Variants in PIDD1 observed in about 807,000 individuals in gnomAD.
The protein encoded by PIDD1 is p53-induced death domain protein 1.
In PIDD1, 72 loss-of-function variants were observed where a neutral mutation model predicts 80.0. The ratio of observed to expected loss-of-function variants is 0.90; its 90% CI spans 0.74 to 1.09. The LOEUF is 1.09. Among genes scored for constraint, PIDD1 ranks in the 50% least tolerant of loss-of-function variants. PIDD1 has a pLI of 0.00. For missense variants in PIDD1, 1,329 were observed against 1,228.3 expected, an observed-to-expected ratio of 1.08 and a Z score of -1.23; for synonymous variants, 655 against 543.5, an observed-to-expected ratio of 1.21 and a Z score of -2.85.
rs988814728 is a variant in PIDD1, at chr11:804,449, C to T, written c.-61G>A. 6.6e-7 allele frequency: 1 copy of T among 1,516,190 alleles called. No individual in the cohort carries two copies. Among genetic ancestry groups the T allele is most frequent in the Non-Finnish European group, 8.8e-7 (1 of 1,136,556 alleles). 93.9% of individuals were successfully genotyped at this position (1,516,190 alleles called of 1,614,324 possible). A position where few individuals can be genotyped will look rare whatever the true frequency, so the allele number is the denominator to read the frequency against. ...CAGCACGCAGGCAGGCCTGTCCAGG[C>T]AGCGCCCGGGGAAGCTGCAGAGGCA... On this transcript the variant is annotated 5_prime_UTR_variant, in exon 2 of 16. Transcript: ENST00000347755.
chr11:802,724 TC>T lies in PIDD1; in HGVS notation c.876del (p.Asn293ThrfsTer27), dbSNP rs780661598. ...TCTGGCGAGGCCTCACCCAGGGGGT[TC>T]CCCTGCAGGCGCACAAAGGGGGCGT... ...LLDAPFVRLQ[G>X]NPLGEASPDA... On this transcript the variant is annotated frameshift_variant, in exon 4 of 16. Transcript: ENST00000347755. LOFTEE classifies it high-confidence loss of function. 1 of 1,611,818 alleles carries T rather than the reference TC, an allele frequency of 6.2e-7. No homozygotes were observed. The highest frequency in any genetic ancestry group is 8.5e-7 in the Non-Finnish European group (1 of 1,179,460).
In PIDD1 at chr11:800,226, C is replaced by T. The variant is rs141820504; in HGVS notation, c.2179G>A (p.Ala727Thr). 205 of 1,609,938 alleles carry T rather than the reference C, an allele frequency of 1.3e-4. No individual in the cohort carries two copies. The highest frequency in any genetic ancestry group is 2.5e-4 in the Admixed American group (15 of 59,900). Residue 727 changes from alanine (A) to threonine (T), a missense_variant, in exon 14 of 16, where the codon GCG becomes ACG. Transcript: ENST00000347755. The stretch of plus-strand genomic sequence containing the variant: ...TCCTCGGGCACCCGCACAGGCACCG[C>T]GCCACGGTAGAAGGACACCTGAAGG... ...VRGQVSFYRG[A>T]VPVRVPEEAE...
chr11:807,189 CAAAA>C (rs1338815823), upstream of PIDD1, among the ~76,000 whole-genome samples: 2 of 94,174 alleles, frequency 2.1e-5, no homozygotes, highest in Non-Finnish European at 2.2e-5. Context: ...GACTCCCTCT[CAAAA>C]AAAAAAAAAA....
At position 801,570 on chromosome 11, in the gene PIDD1, G is replaced by T; in HGVS notation, c.1357C>A (p.Arg453Ser). The part of the protein sequence containing the change: ...PHFSWFLVVS[R>S]PVSNACLVPP... ...ACCAGGCAGGCATTGGACACAGGGC[G>T]GGAAACCACAAGGAACCAGGAGAAG... The change falls in exon 8 of 16, where the codon CGC becomes AGC. Residue 453 changes from arginine (R) to serine (S), a missense_variant. Arg to Ser is a moderately radical substitution (Grantham distance 110). Coordinates refer to ENST00000347755, the MANE Select transcript of PIDD1 (RefSeq NM_145886.4). 1 of 1,569,218 alleles carries T rather than the reference G, an allele frequency of 6.4e-7. No homozygotes were observed. The highest frequency in any genetic ancestry group is 8.6e-7 in the Non-Finnish European group (1 of 1,157,204).
In PIDD1 at chr11:802,091, C is replaced by A; in HGVS notation, c.1177-1G>T. On this transcript the variant is annotated splice_acceptor_variant, in intron 6 of 15. Transcript: ENST00000347755. LOFTEE classifies it high-confidence loss of function. ...TGAAGAGCAGCCACAGCCCCACATC[C>A]TGCCAGACAAGGATGGTGTGAGCAC... 2 of 1,576,556 alleles carry A rather than the reference C, an allele frequency of 1.3e-6. No individual in the cohort carries two copies. Among genetic ancestry groups the A allele is most frequent in the Admixed American group, 1.9e-5 (1 of 53,588 alleles).
chr11:801,943 G>A (rs137974013), intron 7 of PIDD1, 22 bp downstream of exon 7: 103 of 1,596,056 alleles, frequency 6.5e-5, no homozygotes, highest in East Asian at 6.4e-4. Flanking sequence ...ACTCGCCACC[G>A]GCAGGCCTGG....
chr11:804,992 C>G (rs951765122), intron 1 of PIDD1, 187 bp downstream of exon 1: 3 of 158,712 alleles, frequency 1.9e-5, no homozygotes, highest in Non-Finnish European at 4.1e-5. Context: ...AAACCTCTCC[C>G]GGCCTTTCCA....
Position 800,854 on chromosome 11 carries a change from C to G in PIDD1, c.1825G>C (p.Glu609Gln). Reference protein sequence around the residue: ...CVGGLARKAWERLRLHRVNLI... With the variant: ...CVGGLARKAWQRLRLHRVNLI... ...TTCACACGGTGCAGCCGCAGCCGCT[C>G]CCAGGCCTTCCGAGCCAGGCCTCCC... The change falls in exon 11 of 16, where the codon GAG (glutamate) becomes CAG (glutamine). Residue 609 changes from glutamate to glutamine, a missense_variant. By Grantham distance (29) the Glu-to-Gln change is conservative (BLOSUM62 2). Transcript: ENST00000347755. 1 of 1,576,626 alleles carries G rather than the reference C, an allele frequency of 6.3e-7. No individual in the cohort carries two copies. Among genetic ancestry groups the G allele is most frequent in the Non-Finnish European group, 8.6e-7 (1 of 1,161,604 alleles).
chr11:803,034 C>T (rs1430811614), intron 3 of PIDD1, 140 bp downstream of exon 3: 1 of 963,950 alleles, frequency 1.0e-6, no homozygotes, highest in Non-Finnish European at 1.5e-6. Flanking sequence ...CTGAGGGAGT[C>T]TCAAAGGCCA....
intron 4 of PIDD1, 33 bp from the exon 5 acceptor site, chr11:802,630 T>C (rs776891099): frequency 1.2e-6 from 2 of 1,608,136 alleles, no homozygotes; most frequent in Non-Finnish European, 1.7e-6. Flanking sequence ...CTCAGGACAG[T>C]GAGGAGACTC....
Position 805,205 on chromosome 11 carries a change from T to C in PIDD1, c.-102A>G, listed in dbSNP as rs1386127031. ...TGCGCTGCAGGCGGCGCGCAAAGGG[T>C]GGCTGCTCAGCGGGCGCTCGGCGCC... is the stretch of plus-strand genomic sequence containing the variant. On this transcript the variant is annotated 5_prime_UTR_variant, in exon 1 of 16. Transcript: ENST00000347755. 2 of 982,938 alleles carry C rather than the reference T, an allele frequency of 2.0e-6. No individual in the cohort carries two copies. The highest frequency in any genetic ancestry group is 2.4e-6 in the Non-Finnish European group (2 of 827,904). The allele number at this position is 982,938 out of a possible 1,614,324, so 60.9% of individuals were successfully genotyped here. A position where few individuals can be genotyped will look rare whatever the true frequency, so the allele number is the denominator to read the frequency against.
chr11:809,020 G>C (rs1164960352), upstream of PIDD1, among the ~76,000 whole-genome samples: 5 of 152,218 alleles, frequency 3.3e-5, no homozygotes, highest in African/African-American at 7.2e-5. Context: ...CTCAGCTCAA[G>C]CTTTCTCAGG....
rs774230666 is a variant in PIDD1 at position 803,357 on chromosome 11, G to A, written c.526C>T (p.Leu176Phe). The A allele has an allele frequency of 1.2e-6, 2 of 1,613,932 alleles. No homozygotes were observed. Among genetic ancestry groups the A allele is most frequent in the South Asian group, 1.1e-5 (1 of 91,090 alleles). Residue 176 changes from leucine to phenylalanine, a missense_variant, in exon 3 of 16, where the codon CTC becomes TTC. Physicochemically the swap from Leu to Phe is conservative, Grantham distance 22. Coordinates refer to ENST00000347755, the MANE Select transcript of PIDD1 (RefSeq NM_145886.4). ...TGCAGGCGGTTGTGTGTCACTGTGAGGAAGGTGAGGGCGGGGAGGGCCCCC... is the reference window on the plus strand; with the variant it reads ...TGCAGGCGGTTGTGTGTCACTGTGAAGAAGGTGAGGGCGGGGAGGGCCCCC... Reference protein sequence around the residue: ...ALGALPALTFLTVTHNRLQTL... With the variant: ...ALGALPALTFFTVTHNRLQTL...
chr11:799,930 G>T lies in PIDD1; in HGVS notation c.2359C>A (p.Leu787Met), dbSNP rs745884349. ...LNLGDAETGF[L>M]TQSNLLSVAG... ...ACACTCAGCAGGTTGCTCTGCGTCAGAAAGCCGGTCTCGGCATCTCCCAGA... is the reference window on the plus strand; with the variant it reads ...ACACTCAGCAGGTTGCTCTGCGTCATAAAGCCGGTCTCGGCATCTCCCAGA... The change falls in exon 15 of 16, where the codon CTG (leucine) becomes ATG (methionine). Residue 787 changes from leucine (L) to methionine (M), a missense_variant. By Grantham distance (15) the Leu-to-Met change is conservative. Coordinates refer to ENST00000347755, the MANE Select transcript of PIDD1 (RefSeq NM_145886.4). 6.2e-7 allele frequency: 1 copy of T among 1,612,796 alleles called. No individual in the cohort carries two copies. Among genetic ancestry groups the T allele is most frequent in the Non-Finnish European group, 8.5e-7 (1 of 1,179,960 alleles).
rs771938257 is a variant in PIDD1 at position 804,096 on chromosome 11, T to C, written c.293A>G (p.Lys98Arg). Reference sequence around the variant, plus strand: ...GGCCCAGAACAGGTGGAACTCACCTTTGAGGACCAGGGAGCGGAGGCAGGA... The same window carrying C: ...GGCCCAGAACAGGTGGAACTCACCTCTGAGGACCAGGGAGCGGAGGCAGGA... Reference protein sequence around the residue: ...SLSCLRSLVLKGGQRRDTLGA... With the variant: ...SLSCLRSLVLRGGQRRDTLGA... Residue 98 changes from lysine (K) to arginine (R), a missense_variant and splice_region_variant, in exon 2 of 16, where the codon AAA becomes AGA. By Grantham distance (26) the Lys-to-Arg change is conservative. Coordinates refer to ENST00000347755, the MANE Select transcript of PIDD1 (RefSeq NM_145886.4). 3.7e-6 allele frequency: 6 copies of C among 1,606,638 alleles called. No homozygotes were observed. The Admixed American group carries it at 1.0e-4, about 27-fold the overall frequency.
intron 6 of PIDD1, 41 bp from the exon 7 acceptor site, chr11:802,131 G>A: frequency 3.2e-6 from 5 of 1,561,716 alleles, no homozygotes; most frequent in Non-Finnish European, 4.3e-6. Flanking sequence ...GCCATGCCCG[G>A]GCCCGCACAC....
chr11:802,130 G>C, intron 6 of PIDD1, 40 bp from the exon 7 acceptor site: 1 of 1,561,602 alleles, frequency 6.4e-7, no homozygotes, highest in East Asian at 2.4e-5. Flanking sequence ...AGCCATGCCC[G>C]GGCCCGCACA....
At chr11:801,931 C>T in intron 7 of PIDD1, 34 bp downstream of exon 7, 1 of 1,594,134 alleles carries the variant, frequency 6.3e-7, no homozygotes, top group Non-Finnish European at 8.5e-7. Flanking sequence ...CAGCAGCTCT[C>T]CACTCGCCAC....
Position 804,150 on chromosome 11 carries a change from G to A in PIDD1, c.239C>T (p.Ala80Val). The A allele has an allele frequency of 1.9e-6, 3 of 1,613,210 alleles. No individual in the cohort carries two copies. The highest frequency in any genetic ancestry group is 2.5e-6 in the Non-Finnish European group (3 of 1,179,768). ...STHEDPQLLE[A>V]TLAQLPQSLS... is the part of the protein sequence containing the mutation. ...GCTCTGAGGCAGCTGGGCCAGGGTG[G>A]CCTCCAGCAGCTGAGGGTCCTCGTG... The change falls in exon 2 of 16, where the codon GCC becomes GTC. Residue 80 changes from alanine (A) to valine (V), a missense_variant. By Grantham distance (64) the Ala-to-Val change is moderately conservative. Transcript: ENST00000347755.
Sources: allele counts gnomAD v4.1 joint callset (sites outside exome capture counted in the v4.1 genomes callset), GRCh38; gene constraint gnomAD v4.1.1; transcripts MANE v1.5; gene names NCBI Gene and HGNC (gene_info 2026-07-23, HGNC 2026-07-21).